PAX1: variants seen among roughly 807,000 people sequenced by gnomAD.
The protein encoded by PAX1 is paired box 1.
A neutral mutation model predicts 35.6 loss-of-function variants in PAX1; 18 were observed. That is an observed-to-expected ratio of 0.50 (90% CI 0.35 to 0.75). The LOEUF is 0.75. Among genes scored for constraint, PAX1 ranks in the 30% least tolerant of loss-of-function variants. The probability of loss-of-function intolerance (pLI) is 0.01; values close to 1 mark genes in which losing one functional copy is unlikely to be tolerated. For synonymous variants in PAX1, 397 were observed against 305.2 expected, an observed-to-expected ratio of 1.30 and a Z score of -3.14; for missense variants, 760 against 661.5, an observed-to-expected ratio of 1.15 and a Z score of -1.63.
At chr20:21,709,465 G>T in intron 4 of PAX1, 21 bp downstream of exon 4, 1 of 1,494,372 alleles carries the variant, frequency 6.7e-7, no homozygotes. Flanking sequence ...CAGGGAGTGG[G>T]GCGGGTGGAT....
chr20:21,709,120 A>G (rs893408886), intron 3 of PAX1, 102 bp from the exon 4 acceptor site: 4 of 913,798 alleles, frequency 4.4e-6, no homozygotes, highest in East Asian at 2.4e-5. Context: ...TGGGCACAGG[A>G]CGTGGGGGAG....
intron 2 of PAX1, chr20:21,708,218 G>A: frequency 2.1e-6 from 1 of 470,346 alleles, no homozygotes; most frequent in South Asian, 2.1e-5. Flanking sequence ...TCATGAGGTT[G>A]CTGTAGCTTT....
chr20:21,717,272 G>A lies in PAX1; in HGVS notation c.*2710G>A, dbSNP rs1015477423. 4.6e-5 allele frequency: 7 copies of A among 152,210 alleles called. No individual in the cohort carries two copies. Among genetic ancestry groups the A allele is most frequent in the African/African-American group, 1.4e-4 (6 of 41,426 alleles). The allele number at this position is 152,210 out of a possible 1,614,324, so 9.4% of individuals were successfully genotyped here. ...TGGAGGGACATACCCCCTCTCTCGC[G>A]GCTGGGGGTCACGGAACATCTTAGT... On this transcript the variant is annotated 3_prime_UTR_variant, in exon 5 of 5. Transcript: ENST00000613128.
intron 4 of PAX1, among the ~76,000 whole-genome samples, chr20:21,711,353 A>G (rs991917025): frequency 6.6e-6 from 1 of 152,262 alleles, no homozygotes; most frequent in Non-Finnish European, 1.5e-5. Context: ...CACAGTTCCT[A>G]ATTCTAAACT....
Position 21,714,947 on chromosome 20 carries a change from C to T in PAX1, c.*385C>T. 1 of 750,696 alleles carries T rather than the reference C, an allele frequency of 1.3e-6. No individual in the cohort carries two copies. Among genetic ancestry groups the T allele is most frequent in the Non-Finnish European group, 2.3e-6 (1 of 433,302 alleles). The allele number at this position is 750,696 out of a possible 1,614,324, so 46.5% of individuals were successfully genotyped here. On this transcript the variant is annotated 3_prime_UTR_variant, in exon 5 of 5. Transcript: ENST00000613128. ...TCCCCCCTCTTTCTTTCTCACTCTC[C>T]CTCCCTTCCCTTTCTCTTTCCCTTC...
At chr20:21,708,984 C>G (rs929177203) in intron 3 of PAX1, among the ~76,000 whole-genome samples, 2 of 152,146 alleles carry the variant, frequency 1.3e-5, no homozygotes, top group African/African-American at 4.8e-5. Flanking sequence ...CTCTAAATCC[C>G]GATATGAATA....
rs1036982607 is a variant in PAX1, at chr20:21,711,459, A to G, written c.1282+2015A>G. 1.1e-4 allele frequency among the ~76,000 whole-genome samples: 17 copies of G among 152,368 alleles called. No homozygotes were observed. The East Asian group carries it at 3.3e-3, about 29-fold the overall frequency. ...TTCTTTAGAAGACACTTTCCTTTTC[A>G]GAAATACAGGGTCATTGAATGGTGC... On this transcript the variant is annotated intron_variant, in intron 4 of 4. Coordinates refer to ENST00000613128, the MANE Select transcript of PAX1 (RefSeq NM_001257096.2).
intron 4 of PAX1, among the ~76,000 whole-genome samples, chr20:21,709,990 T>C (rs758893910): frequency 6.5e-4 from 98 of 151,448 alleles, no homozygotes; most frequent in Non-Finnish European, 2.9e-4. Context: ...TTGGATTCTT[T>C]TTCTTAAATA....
Position 21,709,278 on chromosome 20 carries a change from C to T in PAX1, c.1116C>T (p.Ala372=), listed in dbSNP as rs964360550. 1.2e-6 allele frequency: 2 copies of T among 1,605,736 alleles called. No individual in the cohort carries two copies. The highest frequency in any genetic ancestry group is 2.2e-5 in the East Asian group (1 of 44,854). ...GGFLPACAYP[A]SNQHGVYSAP... ...TTCTCCCCGCCTGCGCCTACCCGGC[C>T]TCCAACCAGCACGGCGTGTACAGCG... Residue 372 remains alanine (A), a synonymous_variant, in exon 4 of 5, where the codon GCC becomes GCT. Transcript: ENST00000613128.
At position 21,705,790 on chromosome 20, in the gene PAX1, T is replaced by C. The variant is rs939460549; in HGVS notation, c.78T>C (p.Pro26=). ...GGGCAGCAGCGGCGGCGGCAGGCCC[T>C]GGAGCGGGCGGCAGCGCGCTCCGCT... ...WEGAAAAAAG[P]GAGGSALRCR... Residue 26 remains proline (P), a synonymous_variant, in exon 1 of 5, where the codon CCT becomes CCC. Coordinates refer to ENST00000613128, the MANE Select transcript of PAX1 (RefSeq NM_001257096.2). 2.9e-5 allele frequency: 37 copies of C among 1,277,824 alleles called. No individual in the cohort carries two copies. In the African/African-American group the frequency reaches 5.5e-4, roughly 19 times the overall value. The allele number at this position is 1,277,824 out of a possible 1,614,324, so 79.2% of individuals were successfully genotyped here. A position where few individuals can be genotyped will look rare whatever the true frequency, so the allele number is the denominator to read the frequency against.
chr20:21,713,676 G>A (rs1190579332), intron 4 of PAX1, among the ~76,000 whole-genome samples: 2 of 152,122 alleles, frequency 1.3e-5, no homozygotes, highest in African/African-American at 4.8e-5. Flanking sequence ...TTGCGCAATC[G>A]TGGCGTCACT....
intron 4 of PAX1, among the ~76,000 whole-genome samples, chr20:21,712,162 A>C (rs1256587017): frequency 6.6e-6 from 1 of 152,252 alleles, no homozygotes; most frequent in African/African-American, 2.4e-5. Context: ...GAACAGCTTA[A>C]CAGTTACCCT....
chr20:21,707,119 G>C (rs751299729), intron 2 of PAX1, 52 bp downstream of exon 2: 28 of 1,607,920 alleles, frequency 1.7e-5, no homozygotes, highest in Non-Finnish European at 2.3e-5. Context: ...AACCTGGGGC[G>C]GGCAGGCTTG....
chr20:21,706,227 C>T lies in PAX1; in HGVS notation c.287-211C>T. 2.5e-6 allele frequency: 2 copies of T among 786,484 alleles called. No individual in the cohort carries two copies. The highest frequency in any genetic ancestry group is 4.3e-6 in the Non-Finnish European group (2 of 461,506). 48.7% of individuals were successfully genotyped at this position (786,484 alleles called of 1,614,324 possible). A position where few individuals can be genotyped will look rare whatever the true frequency, so the allele number is the denominator to read the frequency against. On this transcript the variant is annotated intron_variant, in intron 1 of 4. Coordinates refer to ENST00000613128, the MANE Select transcript of PAX1 (RefSeq NM_001257096.2). The surrounding 1 kb of genome is among the most constrained non-coding windows in gnomAD (Gnocchi z 5.3). ...CGAAAGGGCACGGAGGGCTACAATG[C>T]GCCGCGCTCCACTCCGCGGCTCCTC... is the stretch of plus-strand genomic sequence containing the variant.
chr20:21,713,803 G>C (rs1985274500), intron 4 of PAX1, among the ~76,000 whole-genome samples: 1 of 152,244 alleles, frequency 6.6e-6, no homozygotes, highest in African/African-American at 2.4e-5. Flanking sequence ...AGGCCCACAG[G>C]TCCCAGGACG....
intron 3 of PAX1, among the ~76,000 whole-genome samples, chr20:21,708,975 T>C (rs1600326728): frequency 6.6e-6 from 1 of 152,334 alleles, no homozygotes; most frequent in East Asian, 1.9e-4. Context: ...GCCTTCTTTC[T>C]CTAAATCCCG....
Position 21,709,373 on chromosome 20 carries a change from C to T in PAX1, c.1211C>T (p.Pro404Leu), listed in dbSNP as rs762895296. 10 of 1,567,664 alleles carry T rather than the reference C, an allele frequency of 6.4e-6. No homozygotes were observed. Among genetic ancestry groups the T allele is most frequent in the South Asian group, 4.6e-5 (4 of 87,334 alleles). Residue 404 changes from proline (P) to leucine (L), a missense_variant, in exon 4 of 5, where the codon CCC becomes CTC. Physicochemically the swap from Pro to Leu is moderately conservative, Grantham distance 98. Transcript: ENST00000613128. The part of the protein sequence containing the change: ...PPAQGPPLAP[P>L]GAGVAVHGGE... ...GCGCAAGGTCCTCCTCTGGCGCCCC[C>T]CGGGGCCGGCGTAGCTGTGCATGGC...
chr20:21,717,106 A>G lies in PAX1; in HGVS notation c.*2544A>G, dbSNP rs1985393481. On this transcript the variant is annotated 3_prime_UTR_variant, in exon 5 of 5. Transcript: ENST00000613128. ...TTAAGTGCCACCTGCAAAGGGAGGC[A>G]TTTTTCAAATCTGCCTCTTGTTCCC... 1 of 152,212 alleles carries G rather than the reference A, an allele frequency of 6.6e-6. No homozygotes were observed. The highest frequency in any genetic ancestry group is 1.5e-5 in the Non-Finnish European group (1 of 68,076). 9.4% of individuals were successfully genotyped at this position (152,212 alleles called of 1,614,324 possible).
At chr20:21,708,522 G>C (rs769768726) in intron 2 of PAX1, 36 bp from the exon 3 acceptor site, 81 of 1,611,836 alleles carry the variant, frequency 5.0e-5, no homozygotes, top group Non-Finnish European at 6.9e-5. Context: ...GGGCAGATTC[G>C]GAGGCACCTT....
Sources: allele counts gnomAD v4.1 joint callset (sites outside exome capture counted in the v4.1 genomes callset), GRCh38; gene constraint gnomAD v4.1.1; non-coding constraint Gnocchi (gnomAD v3.1); transcripts MANE v1.5; gene names NCBI Gene and HGNC (gene_info 2026-07-23, HGNC 2026-07-21).